FGGY: variants seen among roughly 807,000 people sequenced by gnomAD.
FGGY encodes FGGY carbohydrate kinase domain containing.
FGGY carries 72 observed loss-of-function variants against 71.3 expected under a neutral mutation model. The observed-to-expected ratio is 1.01, with a 90% CI of 0.84 to 1.23. The LOEUF (loss-of-function observed/expected upper bound fraction) is 1.23, where lower values mean the gene tolerates loss of function less well. FGGY is among the 50% of genes most tolerant of loss of function. The pLI, the probability that FGGY is intolerant of heterozygous loss-of-function variation, is 0.00. For missense variants in FGGY, 668 were observed against 682.3 expected (o/e 0.98, Z 0.23); for synonymous variants, 251 against 250.3 (o/e 1.00, Z -0.02).
rs144026040 is a variant in FGGY at position 59,638,313 on chromosome 1, C to T, written c.1159C>T (p.His387Tyr). 1 of 1,614,104 alleles carries T rather than the reference C, an allele frequency of 6.2e-7. No individual in the cohort carries two copies. Among genetic ancestry groups the T allele is most frequent in the African/African-American group, 1.3e-5 (1 of 74,930 alleles). Residue 387 changes from histidine to tyrosine, a missense_variant, in exon 11 of 16, where the codon CAT becomes TAT. Transcript: ENST00000303721. ...TGTGGGTTTCCTTACTGTTGATTTA[C>T]ATGTTTGGCCAGATTTCCATGGCAA... Reference protein sequence around the residue: ...QPVGFLTVDLHVWPDFHGNRS... With the variant: ...QPVGFLTVDLYVWPDFHGNRS...
intron 14 of FGGY, 146 bp from the exon 15 acceptor site, chr1:59,757,785 C>A: frequency 3.5e-6 from 2 of 579,592 alleles, no homozygotes; most frequent in Non-Finnish European, 6.1e-6. Context: ...ATTCTTATTA[C>A]CAAAGAAAAG....
At chr1:59,584,338 A>C (rs995267348) in intron 8 of FGGY, among the ~76,000 whole-genome samples, 6 of 150,092 alleles carry the variant, frequency 4.0e-5, no homozygotes, top group Non-Finnish European at 1.5e-5. Flanking sequence ...AGTGGGCTTC[A>C]TCCCTGGGAT....
chr1:59,455,009 A>G (rs1388375650), intron 5 of FGGY, among the ~76,000 whole-genome samples: 1 of 152,208 alleles, frequency 6.6e-6, no homozygotes, highest in Non-Finnish European at 1.5e-5. Flanking sequence ...CAGGTTTACC[A>G]TTTACCTACC....
intron 8 of FGGY, among the ~76,000 whole-genome samples, chr1:59,576,665 G>C (rs1237619056): frequency 4.5e-5 from 6 of 134,434 alleles, no homozygotes; most frequent in African/African-American, 1.4e-4. Context: ...CAGACAGACA[G>C]ACAGACAGAC....
intron 8 of FGGY, among the ~76,000 whole-genome samples, chr1:59,561,649 T>C (rs2095795141): frequency 6.6e-6 from 1 of 152,186 alleles, no homozygotes; most frequent in South Asian, 2.1e-4. Context: ...ACTAAAACTT[T>C]GTATCATGTA....
chr1:59,534,545 T>G (rs970778301), intron 7 of FGGY, among the ~76,000 whole-genome samples: 5 of 151,792 alleles, frequency 3.3e-5, no homozygotes, highest in African/African-American at 7.3e-5. Context: ...TCACCAAAGT[T>G]GAAATGAAGG....
intron 14 of FGGY, among the ~76,000 whole-genome samples, chr1:59,684,096 C>T (rs966844204): frequency 6.6e-6 from 1 of 152,172 alleles, no homozygotes; most frequent in Non-Finnish European, 1.5e-5. Flanking sequence ...CTGCATGTGA[C>T]GGGAACAGCC....
intron 3 of FGGY, 106 bp downstream of exon 3, chr1:59,340,175 A>C: frequency 1.4e-6 from 1 of 719,460 alleles, no homozygotes; most frequent in South Asian, 1.8e-5. Flanking sequence ...CTGATAGTAA[A>C]ATTTAGAGGT....
rs1426508538 is a variant in FGGY at position 59,749,117 on chromosome 1, GC to G, written c.1513-8813del. On this transcript the variant is annotated intron_variant, in intron 14 of 15. Coordinates refer to ENST00000303721, the MANE Select transcript of FGGY (RefSeq NM_018291.5). Reference sequence around the variant, plus strand: ...TGGCATGCCTGGAGGAGGCATGGAAGCTCACTGCACCACTGCACCTCCCTCC... The same window carrying G: ...TGGCATGCCTGGAGGAGGCATGGAAGTCACTGCACCACTGCACCTCCCTCC... Among the ~76,000 whole-genome samples, 34 of 152,298 alleles carry G rather than the reference GC, an allele frequency of 2.2e-4. 1 individual carries two copies. Among genetic ancestry groups the G allele is most frequent in the Non-Finnish European group, 4.4e-5 (3 of 68,018 alleles).
chr1:59,337,628 G>A (rs1192145348), intron 2 of FGGY, among the ~76,000 whole-genome samples: 2 of 151,924 alleles, frequency 1.3e-5, no homozygotes, highest in Non-Finnish European at 2.9e-5. Context: ...ATTGTGAATG[G>A]GATTATTTTC....
In FGGY at chr1:59,428,953, G is replaced by A. The variant is rs1159797421; in HGVS notation, c.555-28008G>A. ...AATCCTGGTCCTTACCCGCTAGAGTGAAAAAGGAAGGAAACCTTACCATTC... is the reference window on the plus strand; with the variant it reads ...AATCCTGGTCCTTACCCGCTAGAGTAAAAAAGGAAGGAAACCTTACCATTC... On this transcript the variant is annotated intron_variant, in intron 5 of 15. Transcript: ENST00000303721. Among the ~76,000 whole-genome samples, 4 of 152,250 alleles carry A rather than the reference G, an allele frequency of 2.6e-5. No individual in the cohort carries two copies. The East Asian group carries it at 7.7e-4, about 29-fold the overall frequency.
chr1:59,438,756 A>G (rs886938600), intron 5 of FGGY, among the ~76,000 whole-genome samples: 1 of 152,164 alleles, frequency 6.6e-6, no homozygotes, highest in African/African-American at 2.4e-5. Context: ...TGAGGGGGAA[A>G]ATATTTGGAA....
At chr1:59,592,245 A>G (rs1339403681) in intron 8 of FGGY, among the ~76,000 whole-genome samples, 1 of 152,190 alleles carries the variant, frequency 6.6e-6, no homozygotes, top group African/African-American at 2.4e-5. Flanking sequence ...ATACCATCTC[A>G]CACCAGTTAG....
At chr1:59,328,935 A>G (rs1274428015) in intron 2 of FGGY, among the ~76,000 whole-genome samples, 3 of 152,198 alleles carry the variant, frequency 2.0e-5, no homozygotes, top group Non-Finnish European at 4.4e-5. Flanking sequence ...AACAAATGCA[A>G]TAGTAACATC....
At chr1:59,390,954 C>T (rs1571498850) in intron 5 of FGGY, among the ~76,000 whole-genome samples, 1 of 152,136 alleles carries the variant, frequency 6.6e-6, no homozygotes, top group Admixed American at 6.5e-5. Flanking sequence ...GCATTCTCTC[C>T]CTAATCCAGT....
At chr1:59,469,346 C>G (rs2092819749) in intron 6 of FGGY, among the ~76,000 whole-genome samples, 1 of 152,126 alleles carries the variant, frequency 6.6e-6, no homozygotes, top group Non-Finnish European at 1.5e-5. Context: ...CTGATAAGGG[C>G]CTTCTTGCTG....
At chr1:59,656,523 G>A (rs376130945) in intron 11 of FGGY, among the ~76,000 whole-genome samples, 1 of 152,212 alleles carries the variant, frequency 6.6e-6, no homozygotes, top group East Asian at 1.9e-4. Flanking sequence ...AAAATTAAAT[G>A]GACTTAACGA....
At chr1:59,706,009 C>T (rs886588415) in intron 14 of FGGY, among the ~76,000 whole-genome samples, 1 of 152,174 alleles carries the variant, frequency 6.6e-6, no homozygotes, top group East Asian at 1.9e-4. Context: ...CACCATTGCT[C>T]AATGCTGGAA....
At chr1:59,334,370 C>G (rs1285392814) in intron 2 of FGGY, among the ~76,000 whole-genome samples, 1 of 152,196 alleles carries the variant, frequency 6.6e-6, no homozygotes, top group African/African-American at 2.4e-5. Context: ...TCTCAAACTC[C>G]TGACCTCAAG....
Sources: gnomAD v4.1 joint callset for allele counts (sites outside exome capture counted in the v4.1 genomes callset) on GRCh38, gnomAD v4.1.1 for gene constraint, MANE v1.5 for transcripts, NCBI Gene and HGNC (gene_info 2026-07-23, HGNC 2026-07-21) for gene names.